Variants in HS3ST5 observed in about 807,000 individuals in gnomAD.
The protein encoded by HS3ST5 is heparan sulfate glucosamine 3-O-sulfotransferase 5.
HS3ST5 carries 10 observed loss-of-function variants against 25.4 expected under a neutral mutation model. The ratio of observed to expected loss-of-function variants is 0.39; its 90% CI spans 0.24 to 0.67. The LOEUF is 0.67. HS3ST5 is among the 30% of genes least tolerant of loss of function. The pLI is 0.44. For missense variants in HS3ST5, 324 were observed against 420.7 expected (o/e 0.77, Z 2.01); for synonymous variants, 170 against 162.4 (o/e 1.05, Z -0.36).
intron 3 of HS3ST5, among the ~76,000 whole-genome samples, chr6:114,126,262 T>C (rs1239340842): frequency 6.6e-6 from 1 of 152,216 alleles, no homozygotes; most frequent in East Asian, 1.9e-4. Context: ...AACTTTTTTT[T>C]ATAGCTAGTC....
intron 3 of HS3ST5, among the ~76,000 whole-genome samples, chr6:114,105,866 A>T (rs1011406943): frequency 2.0e-5 from 3 of 152,188 alleles, no homozygotes; most frequent in Non-Finnish European, 4.4e-5. Context: ...TCACAGAACT[A>T]CCTTAGATCA....
intron 1 of HS3ST5, among the ~76,000 whole-genome samples, chr6:114,265,010 G>T (rs1441900850): frequency 6.6e-6 from 1 of 152,112 alleles, no homozygotes; most frequent in Non-Finnish European, 1.5e-5. Context: ...CTCCTGAGTA[G>T]CTGGGACTAC....
chr6:114,191,706 CTG>C (rs1477010182), intron 2 of HS3ST5, among the ~76,000 whole-genome samples: 19 of 152,114 alleles, frequency 1.2e-4, no homozygotes, highest in Admixed American at 1.2e-3. Context: ...TTACTCTGGG[CTG>C]TGTGTGGAGG....
At chr6:114,181,465 C>T (rs748002163) in intron 2 of HS3ST5, among the ~76,000 whole-genome samples, 1 of 152,162 alleles carries the variant, frequency 6.6e-6, no homozygotes, top group Non-Finnish European at 1.5e-5. Flanking sequence ...TAAGTTTACA[C>T]AACTCTAAAT....
At chr6:114,244,884 T>C (rs1772309883) in intron 1 of HS3ST5, among the ~76,000 whole-genome samples, 1 of 152,168 alleles carries the variant, frequency 6.6e-6, no homozygotes, top group South Asian at 2.1e-4. Flanking sequence ...TCCATTATTA[T>C]CTTAAGTTTA....
intron 2 of HS3ST5, among the ~76,000 whole-genome samples, chr6:114,172,812 C>T (rs1381726815): frequency 6.6e-6 from 1 of 152,166 alleles, no homozygotes; most frequent in Non-Finnish European, 1.5e-5. Context: ...GACATAGCCA[C>T]CTATATCATC....
At chr6:114,124,319 G>C (rs1210312947) in intron 3 of HS3ST5, among the ~76,000 whole-genome samples, 2 of 152,134 alleles carry the variant, frequency 1.3e-5, no homozygotes, top group Non-Finnish European at 2.9e-5. Context: ...ATGGAACCCT[G>C]GAATGCAGGG....
chr6:114,228,700 A>C lies in HS3ST5; in HGVS notation c.-260T>G, dbSNP rs1771426395. 1 of 152,158 alleles carries C rather than the reference A, an allele frequency of 6.6e-6. No homozygotes were observed. The highest frequency in any genetic ancestry group is 1.5e-5 in the Non-Finnish European group (1 of 68,022). The allele number at this position is 152,158 out of a possible 1,614,324, so 9.4% of individuals were successfully genotyped here. On this transcript the variant is annotated 5_prime_UTR_variant, in exon 2 of 5. Transcript: ENST00000312719. ...CCAAGGGTTTTAAAACAGGTCAGGGAGACTCCTGGGGTGGCCACCAGAAAT... is the reference window on the plus strand; with the variant it reads ...CCAAGGGTTTTAAAACAGGTCAGGGCGACTCCTGGGGTGGCCACCAGAAAT...
chr6:114,298,696 A>C (rs1448362898), intron 1 of HS3ST5, among the ~76,000 whole-genome samples: 1 of 152,246 alleles, frequency 6.6e-6, no homozygotes, highest in Non-Finnish European at 1.5e-5. Context: ...TGGATTGTGA[A>C]GATTTCATGG....
intron 3 of HS3ST5, among the ~76,000 whole-genome samples, chr6:114,161,505 G>A (rs1282759250): frequency 2.0e-5 from 2 of 102,396 alleles, no homozygotes; most frequent in Admixed American, 1.3e-4. Context: ...TAAAACGACA[G>A]TTGCTTCCTG....
chr6:114,104,002 ATTG>A (rs572227795), intron 3 of HS3ST5, among the ~76,000 whole-genome samples: 11 of 151,636 alleles, frequency 7.3e-5, no homozygotes, highest in Non-Finnish European at 1.2e-4. Context: ...TGCCCGGCCT[ATTG>A]TTCTAATTTT....
chr6:114,334,154 C>A (rs925463806), intron 1 of HS3ST5, among the ~76,000 whole-genome samples: 3 of 152,166 alleles, frequency 2.0e-5, no homozygotes, highest in Non-Finnish European at 4.4e-5. Context: ...CAATCCCTGT[C>A]CCTGAGAAGC....
At chr6:114,096,876 G>C (rs1775458162) in intron 3 of HS3ST5, among the ~76,000 whole-genome samples, 1 of 152,036 alleles carries the variant, frequency 6.6e-6, no homozygotes, top group Non-Finnish European at 1.5e-5. Flanking sequence ...ACATTTGCAT[G>C]TTTGTACAAA....
At chr6:114,339,585 A>G (rs954016493) in intron 1 of HS3ST5, among the ~76,000 whole-genome samples, 5 of 152,228 alleles carry the variant, frequency 3.3e-5, no homozygotes, top group African/African-American at 4.8e-5. Context: ...CAGTGCAACA[A>G]GAATATTTGC....
At chr6:114,102,736 C>G (rs1182113299) in intron 3 of HS3ST5, among the ~76,000 whole-genome samples, 1 of 152,132 alleles carries the variant, frequency 6.6e-6, no homozygotes, top group African/African-American at 2.4e-5. Flanking sequence ...CATCATAATG[C>G]TAACATGCTG....
rs566437329 is a variant in HS3ST5 at position 114,186,172 on chromosome 6, T to C, written c.-144-17710A>G. Among the ~76,000 whole-genome samples the C allele has an allele frequency of 7.2e-5, 11 of 152,178 alleles. 1 individual carries two copies. Among genetic ancestry groups the C allele is most frequent in the African/African-American group, 2.6e-4 (11 of 41,510 alleles). ...TAACCCTACAGTGGCCTCTAAGTAT[T>C]CAAGTGAAAGAGTCATATCTTTCAC... On this transcript the variant is annotated intron_variant, in intron 2 of 4. Transcript: ENST00000312719.
intron 3 of HS3ST5, among the ~76,000 whole-genome samples, chr6:114,065,405 T>C (rs1398539310): frequency 6.6e-6 from 1 of 152,240 alleles, no homozygotes; most frequent in Non-Finnish European, 1.5e-5. Context: ...ATGCAAATAC[T>C]GCAGCAAGTT....
At chr6:114,288,265 T>C (rs971444115) in intron 1 of HS3ST5, among the ~76,000 whole-genome samples, 3 of 152,106 alleles carry the variant, frequency 2.0e-5, no homozygotes, top group Non-Finnish European at 2.9e-5. Context: ...TTAGGAGAGA[T>C]AACCAAAGGG....
At chr6:114,094,272 T>C (rs1035102938) in intron 3 of HS3ST5, among the ~76,000 whole-genome samples, 1 of 152,184 alleles carries the variant, frequency 6.6e-6, no homozygotes, top group Non-Finnish European at 1.5e-5. Context: ...AAGGAAATAA[T>C]TTAAAGTTAG....
Sources: allele counts gnomAD v4.1 joint callset (sites outside exome capture counted in the v4.1 genomes callset), GRCh38; gene constraint gnomAD v4.1.1; transcripts MANE v1.5; gene names NCBI Gene and HGNC (gene_info 2026-07-23, HGNC 2026-07-21).